The following SLC12A7 variants were observed in gnomAD, a reference collection of about 807,000 sequenced individuals.
SLC12A7 encodes the protein K-Cl cotransporter 4.
SLC12A7 carries 100 observed loss-of-function variants against 120.6 expected under a neutral mutation model. The ratio of observed to expected loss-of-function variants is 0.83; its 90% CI spans 0.71 to 0.98. The LOEUF is 0.98. Ranked by LOEUF, SLC12A7 falls within the 50% of genes least tolerant of loss-of-function variation. SLC12A7 has a pLI of 0.00. For missense variants in SLC12A7, 1,373 were observed against 1,548.1 expected, an observed-to-expected ratio of 0.89 and a Z score of 1.90; for synonymous variants, 760 against 678.0, an observed-to-expected ratio of 1.12 and a Z score of -1.88.
chr5:1,081,461 G>A (rs1739097678), intron 9 of SLC12A7, 116 bp downstream of exon 9: 2 of 1,070,440 alleles, frequency 1.9e-6, no homozygotes, highest in Non-Finnish European at 2.7e-6. Flanking sequence ...AGTTGAGGCT[G>A]CAGTGAGCCG....
intron 18 of SLC12A7, among the ~76,000 whole-genome samples, chr5:1,064,694 T>C (rs1481139029): frequency 4.3e-5 from 5 of 117,198 alleles, no homozygotes; most frequent in East Asian, 5.0e-4. Flanking sequence ...GAAGGGACAG[T>C]GAGGGGACGG....
chr5:1,076,548 C>T (rs541032685), intron 13 of SLC12A7, 146 bp downstream of exon 13: 29 of 673,082 alleles, frequency 4.3e-5, no homozygotes, highest in Non-Finnish European at 6.4e-5. Context: ...TCTTCCCCGG[C>T]GCAACTCCCT....
chr5:1,085,044 G>A (rs1005736568), intron 7 of SLC12A7, among the ~76,000 whole-genome samples, 188 bp downstream of exon 7: 4 of 152,214 alleles, frequency 2.6e-5, no homozygotes, highest in Non-Finnish European at 5.9e-5. Context: ...AGGGTACCTC[G>A]GCCCACCTCA....
intron 9 of SLC12A7, among the ~76,000 whole-genome samples, chr5:1,080,643 C>T (rs1039098968): frequency 3.9e-5 from 6 of 152,204 alleles, no homozygotes; most frequent in South Asian, 4.1e-4. Flanking sequence ...TGGAGACAGC[C>T]GGGGGCGTGT....
chr5:1,085,341 C>T lies in SLC12A7; in HGVS notation c.808G>A (p.Val270Ile), dbSNP rs1283765130. 3 of 1,612,474 alleles carry T rather than the reference C, an allele frequency of 1.9e-6. No homozygotes were observed. The highest frequency in any genetic ancestry group is 1.1e-5 in the South Asian group (1 of 91,042). ...AGCGCCAGCTTGTTGACATACTTGA[C>T]GCCCACGAAGACCACCAGGGCCATG... ...VLMALVVFVG[V>I]KYVNKLALVF... Residue 270 changes from valine (V) to isoleucine (I), a missense_variant, in exon 7 of 24, where the codon GTC becomes ATC. Val to Ile is a conservative substitution (Grantham distance 29). Coordinates refer to ENST00000264930, the MANE Select transcript of SLC12A7 (RefSeq NM_006598.3).
At chr5:1,053,210 C>G in intron 23 of SLC12A7, 139 bp downstream of exon 23, 1 of 1,124,714 alleles carries the variant, frequency 8.9e-7, no homozygotes, top group South Asian at 1.6e-5. Context: ...CACTGCATCC[C>G]GGTCGTAGCT....
At chr5:1,124,801 A>C in the SLC12A7 span, among the ~76,000 whole-genome samples, 19 of 152,226 alleles carry the variant, frequency 1.2e-4, no homozygotes, top group African/African-American at 4.1e-4. Context: ...GTAATAAAAA[A>C]AGTGTTTAAT....
At chr5:1,085,141 C>T (rs1339607471) in intron 7 of SLC12A7, 91 bp downstream of exon 7, 16 of 1,526,574 alleles carry the variant, frequency 1.0e-5, no homozygotes, top group Admixed American at 7.6e-5. Context: ...GGGAGCTCGG[C>T]GTCAAGGATG....
At chr5:1,148,194 T>G in the SLC12A7 span, among the ~76,000 whole-genome samples, 1 of 135,940 alleles carries the variant, frequency 7.4e-6, no homozygotes, top group Non-Finnish European at 1.5e-5. Context: ...TTGATACTTT[T>G]TTCTTTCTTT....
chr5:1,124,503 G>A, the SLC12A7 span, among the ~76,000 whole-genome samples: 1 of 152,180 alleles, frequency 6.6e-6, no homozygotes, highest in Non-Finnish European at 1.5e-5. Context: ...GACATTTCCA[G>A]ACCAACGAAA....
rs553942497 is a variant in SLC12A7, at chr5:1,076,193, C to T, written c.1792G>A (p.Val598Met). The change falls in exon 14 of 24, where the codon GTG becomes ATG. Residue 598 changes from valine to methionine, a missense_variant. Physicochemically the swap from Val to Met is conservative, Grantham distance 21 (BLOSUM62 1). Coordinates refer to ENST00000264930, the MANE Select transcript of SLC12A7 (RefSeq NM_006598.3). ...TTGGGGGTACGTAGCAGGGTCTGCACGGCGCAGGCCAGGTTCACGAACAGG... is the reference window on the plus strand; with the variant it reads ...TTGGGGGTACGTAGCAGGGTCTGCATGGCGCAGGCCAGGTTCACGAACAGG... ...CYLFVNLACAVQTLLRTPNWR... is the reference protein window; with the variant it reads ...CYLFVNLACAMQTLLRTPNWR... 2.0e-5 allele frequency: 32 copies of T among 1,612,312 alleles called. No individual in the cohort carries two copies. The highest frequency in any genetic ancestry group is 5.5e-5 in the South Asian group (5 of 90,874).
chr5:1,058,224 G>T (rs1358731355), intron 21 of SLC12A7, among the ~76,000 whole-genome samples: 2 of 152,208 alleles, frequency 1.3e-5, no homozygotes, highest in Non-Finnish European at 2.9e-5. Context: ...TGAAAACACC[G>T]TCCACGCCCC....
At chr5:1,057,817 G>A (rs758166400) in intron 21 of SLC12A7, among the ~76,000 whole-genome samples, 168 bp from the exon 22 acceptor site, 1 of 152,076 alleles carries the variant, frequency 6.6e-6, no homozygotes, top group Non-Finnish European at 1.5e-5. Context: ...CGCCGCCCCC[G>A]TGACTGCCTC....
rs1371206348 is a variant in SLC12A7, at chr5:1,061,488, G to A, written c.2740-1037C>T. The stretch of plus-strand genomic sequence containing the variant: ...GTCTCACCCGCCGCACCCGCCGTGC[G>A]GGATCCCTGAGTCTCACCCGCCGCA... On this transcript the variant is annotated intron_variant, in intron 20 of 23. Coordinates refer to ENST00000264930, the MANE Select transcript of SLC12A7 (RefSeq NM_006598.3). Among the ~76,000 whole-genome samples the A allele has an allele frequency of 2.3e-3, 201 of 86,332 alleles. 1 individual carries two copies. Among genetic ancestry groups the A allele is most frequent in the African/African-American group, 0.011 (188 of 17,870 alleles). The allele number at this position is 86,332 out of a possible 152,430, so 56.6% of individuals were successfully genotyped here.
At chr5:1,128,355 G>A in the SLC12A7 span, among the ~76,000 whole-genome samples, 12 of 152,208 alleles carry the variant, frequency 7.9e-5, no homozygotes, top group East Asian at 1.9e-4. Context: ...TGGTGGCCTC[G>A]CTCCAGGAAA....
the SLC12A7 span, among the ~76,000 whole-genome samples, chr5:1,149,322 A>T: frequency 2.5e-4 from 38 of 152,330 alleles, no homozygotes; most frequent in South Asian, 7.7e-3. Flanking sequence ...CACACCTGTA[A>T]TCCCAGCACT....
chr5:1,079,062 C>T (rs992905581), intron 10 of SLC12A7, among the ~76,000 whole-genome samples: 46 of 152,238 alleles, frequency 3.0e-4, no homozygotes, highest in Non-Finnish European at 5.9e-4. Context: ...GGACAATGCT[C>T]GGCTGGAAAG....
the SLC12A7 span, among the ~76,000 whole-genome samples, chr5:1,146,632 C>A: frequency 1.3e-5 from 2 of 152,104 alleles, no homozygotes; most frequent in Admixed American, 6.6e-5. The surrounding 1 kb of genome is among the most constrained non-coding windows in gnomAD (Gnocchi z 6.5). Flanking sequence ...TAGGAAAAGC[C>A]GACCAGCAGT....
At chr5:1,067,806 C>T (rs1737216035) in intron 17 of SLC12A7, among the ~76,000 whole-genome samples, 1 of 150,002 alleles carries the variant, frequency 6.7e-6, no homozygotes, top group Non-Finnish European at 1.5e-5. Context: ...GTGGGGAGAC[C>T]CTGTTATCAC....
Sources: gnomAD v4.1 joint callset for allele counts (sites outside exome capture counted in the v4.1 genomes callset) on GRCh38, gnomAD v4.1.1 for gene constraint, Gnocchi (gnomAD v3.1) non-coding constraint, MANE v1.5 for transcripts, NCBI Gene and HGNC (gene_info 2026-07-23, HGNC 2026-07-21) for gene names.